The following OCM variants were observed in gnomAD, a reference collection of about 807,000 sequenced individuals.
OCM encodes oncomodulin, also known as oncomodulin-1.
OCM carries 18 observed loss-of-function variants against 14.1 expected under a neutral mutation model. That is an observed-to-expected ratio of 1.28 (90% CI 0.88 to 1.89). The LOEUF is 1.89. OCM is among the 40% of genes most tolerant of loss of function. The pLI, the probability that OCM is intolerant of heterozygous loss-of-function variation, is 0.00. For synonymous variants in OCM, 48 were observed against 51.0 expected, an observed-to-expected ratio of 0.94 and a Z score of 0.25; for missense variants, 140 against 137.6, an observed-to-expected ratio of 1.02 and a Z score of -0.09.
the OCM span, among the ~76,000 whole-genome samples, chr7:5,874,049 C>A: frequency 8.1e-6 from 1 of 124,054 alleles, no homozygotes; most frequent in Non-Finnish European, 1.7e-5. Flanking sequence ...AACCCCATCT[C>A]TACTAAAAAT....
chr7:5,867,311 C>CA, the OCM span, among the ~76,000 whole-genome samples: 44 of 150,552 alleles, frequency 2.9e-4, no homozygotes, highest in Non-Finnish European at 4.4e-4. Context: ...GACCCCATCT[C>CA]AAAAAAAAAG....
Position 5,882,491 on chromosome 7 carries a change from A to C in OCM, c.62-2A>C, listed in dbSNP as rs193133847. On this transcript the variant is annotated splice_acceptor_variant, in intron 1 of 3. Coordinates refer to ENST00000242104, the MANE Select transcript of OCM (RefSeq NM_001097622.2). LOFTEE classifies it high-confidence loss of function. The stretch of plus-strand genomic sequence containing the variant: ...CAGAATAACCAATTCTCTGTTCTTC[A>C]GACCCAGACACTTTTGAACCCCAAA... 2.0e-5 allele frequency: 32 copies of C among 1,613,936 alleles called. No individual in the cohort carries two copies. The highest frequency in any genetic ancestry group is 2.7e-5 in the African/African-American group (2 of 74,926).
chr7:5,883,717 A>C (rs1781273146), intron 2 of OCM, among the ~76,000 whole-genome samples, 173 bp from the exon 3 acceptor site: 1 of 152,060 alleles, frequency 6.6e-6, no homozygotes, highest in Non-Finnish European at 1.5e-5. Context: ...AACCTTAAAA[A>C]TGAAGTGCCC....
rs376330138 is a variant in OCM, at chr7:5,883,970, A to G, written c.275A>G (p.Asn92Ser). 5.6e-6 allele frequency: 9 copies of G among 1,613,350 alleles called. No individual in the cohort carries two copies. The highest frequency in any genetic ancestry group is 7.6e-6 in the Non-Finnish European group (9 of 1,179,590). ...AAGTCCTTGATGGCTGCGGCGGATA[A>G]TGATGGAGATGGGAAAATTGGAGCA... ...ETKSLMAAAD[N>S]DGDGKIGAEE... Residue 92 changes from asparagine (N) to serine (S), a missense_variant, in exon 3 of 4, where the codon AAT becomes AGT. Asn to Ser is a conservative substitution (Grantham distance 46, BLOSUM62 1). Transcript: ENST00000242104.
the OCM span, among the ~76,000 whole-genome samples, chr7:5,865,056 C>T: frequency 6.6e-6 from 1 of 152,186 alleles, no homozygotes; most frequent in Non-Finnish European, 1.5e-5. Flanking sequence ...TAGTTTGATA[C>T]CATCGGATAT....
chr7:5,866,437 CAAG>C, the OCM span, among the ~76,000 whole-genome samples: 22 of 81,752 alleles, frequency 2.7e-4, no homozygotes, highest in East Asian at 1.0e-3. Flanking sequence ...AGGGGGAAGA[CAAG>C]GAGGGAAGAA....
the OCM span, among the ~76,000 whole-genome samples, chr7:5,872,310 A>G: frequency 1.5e-4 from 23 of 152,144 alleles, no homozygotes; most frequent in Non-Finnish European, 1.9e-4. Context: ...GCCCTAAGAC[A>G]CTTCACGGTC....
chr7:5,864,609 A>G, the OCM span, among the ~76,000 whole-genome samples: 1 of 152,150 alleles, frequency 6.6e-6, no homozygotes, highest in Non-Finnish European at 1.5e-5. Flanking sequence ...ATCCTCAAAG[A>G]CCACACCCAG....
chr7:5,882,649 T>C (rs1263152563), intron 2 of OCM, 24 bp downstream of exon 2: 1 of 1,613,474 alleles, frequency 6.2e-7, no homozygotes, highest in Admixed American at 1.7e-5. Flanking sequence ...TGAGTCTGTC[T>C]GGTACCCGGC....
chr7:5,882,116 A>AAG (rs1781230385), intron 1 of OCM, among the ~76,000 whole-genome samples: 1 of 100,952 alleles, frequency 9.9e-6, no homozygotes, highest in African/African-American at 3.8e-5. Flanking sequence ...AAAAAAAAAA[A>AAG]AAAGCGCCAA....
the OCM span, among the ~76,000 whole-genome samples, chr7:5,866,168 AAATTT>A: frequency 6.6e-6 from 1 of 151,576 alleles, no homozygotes; most frequent in Non-Finnish European, 1.5e-5. Context: ...CAAAAAAAAA[AAATTT>A]AATTAGCTGG....
At chr7:5,860,784 A>G in the OCM span, among the ~76,000 whole-genome samples, 5 of 98,252 alleles carry the variant, frequency 5.1e-5, no homozygotes, top group Admixed American at 5.4e-4. Flanking sequence ...ATATACGTGT[A>G]TATATACATA....
chr7:5,864,392 G>A, the OCM span, among the ~76,000 whole-genome samples: 3 of 151,136 alleles, frequency 2.0e-5, no homozygotes, highest in African/African-American at 7.3e-5. Context: ...GTTCTAAAAA[G>A]CAGTGGCTTC....
At chr7:5,864,113 G>T in the OCM span, among the ~76,000 whole-genome samples, 2 of 152,054 alleles carry the variant, frequency 1.3e-5, no homozygotes, top group African/African-American at 4.8e-5. Context: ...GCTGAGGCAG[G>T]AGGGTCGCTT....
At chr7:5,872,589 G>A in the OCM span, among the ~76,000 whole-genome samples, 9 of 152,128 alleles carry the variant, frequency 5.9e-5, no homozygotes, top group East Asian at 1.9e-4. Context: ...ATAGTTACCC[G>A]GTGACAAGGA....
rs1379189578 is a variant in OCM, at chr7:5,885,664, G to A, written c.305-400G>A. Among the ~76,000 whole-genome samples the A allele has an allele frequency of 2.7e-5, 4 of 147,688 alleles. No homozygotes were observed. In the Admixed American group the frequency reaches 2.8e-4, roughly 10 times the overall value. ...CTGGCTCTCTCGCCCAGGCTAGAGT[G>A]CAATGGCGTGATTTCGGCTCACTGC... On this transcript the variant is annotated intron_variant, in intron 3 of 3. Coordinates refer to ENST00000242104, the MANE Select transcript of OCM (RefSeq NM_001097622.2).
At position 5,886,142 on chromosome 7, in the gene OCM, C is replaced by T. The variant is rs1438774692; in HGVS notation, c.*53C>T. The T allele has an allele frequency of 6.4e-7, 1 of 1,553,640 alleles. No individual in the cohort carries two copies. The highest frequency in any genetic ancestry group is 1.4e-5 in the African/African-American group (1 of 73,490). On this transcript the variant is annotated 3_prime_UTR_variant, in exon 4 of 4. Coordinates refer to ENST00000242104, the MANE Select transcript of OCM (RefSeq NM_001097622.2). ...AAAGGGATAATCACCTGGAAGGATT[C>T]CAAAGCCCTGGGAATGGGGAACCCC...
chr7:5,863,302 C>T, the OCM span, among the ~76,000 whole-genome samples: 40 of 152,148 alleles, frequency 2.6e-4, no homozygotes, highest in South Asian at 4.0e-3. Context: ...ATGTTCCTCC[C>T]GGGCGTGTCC....
the OCM span, among the ~76,000 whole-genome samples, chr7:5,870,104 A>G: frequency 6.7e-6 from 1 of 150,242 alleles, no homozygotes; most frequent in African/African-American, 2.4e-5. Flanking sequence ...TTTTTATTTT[A>G]TTTTATTTTA....
Sources: allele counts gnomAD v4.1 joint callset (sites outside exome capture counted in the v4.1 genomes callset), GRCh38; gene constraint gnomAD v4.1.1; transcripts MANE v1.5; gene names NCBI Gene and HGNC (gene_info 2026-07-23, HGNC 2026-07-21).